PTPN9: variants seen among roughly 807,000 people sequenced by gnomAD.
The protein encoded by PTPN9 is protein tyrosine phosphatase non-receptor type 9, also known as tyrosine-protein phosphatase non-receptor type 9.
PTPN9 carries 26 observed loss-of-function variants against 69.8 expected under a neutral mutation model. The observed-to-expected ratio is 0.37, with a 90% confidence interval of 0.27 to 0.52. PTPN9 has a LOEUF of 0.52. Among genes scored for constraint, PTPN9 ranks in the 20% least tolerant of loss-of-function variants. The pLI is 0.91. For missense variants in PTPN9, 549 were observed against 740.3 expected (o/e 0.74, Z 3.00); for synonymous variants, 274 against 272.5 (o/e 1.01, Z -0.05).
chr15:75,508,039 C>CAAAAAA (rs990909256), intron 6 of PTPN9, among the ~76,000 whole-genome samples: 427 of 37,124 alleles, frequency 0.012, 1 homozygote, highest in East Asian at 0.03. Flanking sequence ...GAGACACTCT[C>CAAAAAA]AAAAAAAAAA....
intron 1 of PTPN9, among the ~76,000 whole-genome samples, chr15:75,532,635 C>T (rs1161839976): frequency 6.6e-6 from 1 of 152,166 alleles, no homozygotes; most frequent in Non-Finnish European, 1.5e-5. Context: ...AGGAACAATT[C>T]CTCCTGGTTT....
At chr15:75,561,035 A>G (rs561149327) in intron 1 of PTPN9, among the ~76,000 whole-genome samples, 1 of 151,150 alleles carries the variant, frequency 6.6e-6, no homozygotes, top group South Asian at 2.1e-4. Context: ...TACTTTAAAA[A>G]GCCAGGCATG....
chr15:75,576,639 G>A (rs1025557481), intron 1 of PTPN9, among the ~76,000 whole-genome samples: 2 of 148,492 alleles, frequency 1.3e-5, no homozygotes, highest in African/African-American at 2.5e-5. Flanking sequence ...GAAACCCCGC[G>A]TCTACTAAAA....
chr15:75,474,000 T>C (rs141261168), intron 9 of PTPN9, among the ~76,000 whole-genome samples: 636 of 152,178 alleles, frequency 4.2e-3, no homozygotes, highest in Middle Eastern at 0.01. Flanking sequence ...AGGTGAGTCG[T>C]AGGTAGGTTT....
At position 75,490,264 on chromosome 15, in the gene PTPN9, C is replaced by A; in HGVS notation, c.1006G>T (p.Val336Leu). ...ACTCTAGTTTGGTCCAGGCAGGGTACATCCCCATAACGGTTTTTCTCTAGG... is the reference window on the plus strand; with the variant it reads ...ACTCTAGTTTGGTCCAGGCAGGGTAAATCCCCATAACGGTTTTTCTCTAGG... ...GNLEKNRYGD[V>L]PCLDQTRVKL... Residue 336 changes from valine to leucine, a missense_variant, in exon 8 of 13, where the codon GTA becomes TTA. Val to Leu is a conservative substitution (Grantham distance 32, BLOSUM62 1). This residue lies in a region of PTPN9 where 457 missense variants were observed against 661.9 expected (regional missense o/e 0.69). Coordinates refer to ENST00000618819, the MANE Select transcript of PTPN9 (RefSeq NM_002833.4). 1 of 1,613,734 alleles carries A rather than the reference C, an allele frequency of 6.2e-7. No individual in the cohort carries two copies. Among genetic ancestry groups the A allele is most frequent in the Non-Finnish European group, 8.5e-7 (1 of 1,179,676 alleles).
intron 8 of PTPN9, among the ~76,000 whole-genome samples, chr15:75,485,827 G>A (rs544972435): frequency 6.5e-4 from 98 of 151,224 alleles, no homozygotes; most frequent in African/African-American, 2.0e-3. Flanking sequence ...AAGGCCGGGC[G>A]CAGTGGCTCA....
intron 4 of PTPN9, among the ~76,000 whole-genome samples, chr15:75,518,225 G>A (rs2074881742): frequency 6.6e-6 from 1 of 152,012 alleles, no homozygotes; most frequent in Admixed American, 6.6e-5. Context: ...TATAGTCTCA[G>A]CTACTTGGGA....
chr15:75,577,761 G>A (rs2075180204), intron 1 of PTPN9, among the ~76,000 whole-genome samples: 4 of 152,070 alleles, frequency 2.6e-5, no homozygotes, highest in Admixed American at 2.6e-4. Context: ...CTTTTTTCAT[G>A]TTTATTTTTA....
chr15:75,516,978 C>A (rs1447062859), intron 5 of PTPN9, among the ~76,000 whole-genome samples: 1 of 150,548 alleles, frequency 6.6e-6, no homozygotes, highest in Non-Finnish European at 1.5e-5. Flanking sequence ...CTCTTGACCT[C>A]ATGATCCACC....
intron 1 of PTPN9, among the ~76,000 whole-genome samples, chr15:75,539,018 A>AAAAGAAAG (rs140854456): frequency 6.6e-6 from 1 of 152,038 alleles, no homozygotes; most frequent in Non-Finnish European, 1.5e-5. Context: ...AAAAAAATAA[A>AAAAGAAAG]AAAGAAAGAA....
chr15:75,552,629 G>A (rs1325262648), intron 1 of PTPN9, among the ~76,000 whole-genome samples: 1 of 151,654 alleles, frequency 6.6e-6, no homozygotes, highest in Non-Finnish European at 1.5e-5. Flanking sequence ...GATATGAGCT[G>A]AACATCATAG....
intron 3 of PTPN9, among the ~76,000 whole-genome samples, chr15:75,523,526 TC>T (rs2074914229): frequency 6.6e-6 from 1 of 152,092 alleles, no homozygotes; most frequent in South Asian, 2.1e-4. Flanking sequence ...TGCACTGGCT[TC>T]CTAGCTAACT....
intron 7 of PTPN9, among the ~76,000 whole-genome samples, chr15:75,501,460 C>T (rs1440621869): frequency 7.2e-5 from 10 of 138,172 alleles, no homozygotes; most frequent in African/African-American, 8.0e-5. Flanking sequence ...TCTTTTCTTT[C>T]TTTCTTTTTT....
chr15:75,511,864 T>G (rs1279404914), intron 5 of PTPN9, among the ~76,000 whole-genome samples: 1 of 121,696 alleles, frequency 8.2e-6, no homozygotes, highest in East Asian at 2.3e-4. Context: ...TGAGACTCAC[T>G]TTAATATTTT....
intron 9 of PTPN9, among the ~76,000 whole-genome samples, chr15:75,477,905 G>A (rs2141290284): frequency 7.0e-6 from 1 of 143,066 alleles, no homozygotes; most frequent in African/African-American, 2.6e-5. Context: ...CAATGGCGCA[G>A]TCGCAGTCCA....
intron 1 of PTPN9, among the ~76,000 whole-genome samples, chr15:75,552,379 C>T (rs774652461): frequency 6.6e-6 from 1 of 152,048 alleles, no homozygotes; most frequent in Non-Finnish European, 1.5e-5. Context: ...TGTACTGTAG[C>T]CTGGGCAACA....
At chr15:75,496,875 A>G (rs190204222) in intron 7 of PTPN9, among the ~76,000 whole-genome samples, 12 of 152,310 alleles carry the variant, frequency 7.9e-5, no homozygotes, top group Non-Finnish European at 1.2e-4. Context: ...AGTTGAATAC[A>G]TGATTATAGG....
At chr15:75,484,743 T>G (rs1236422619) in intron 8 of PTPN9, among the ~76,000 whole-genome samples, 1 of 152,144 alleles carries the variant, frequency 6.6e-6, no homozygotes, top group Admixed American at 6.6e-5. Context: ...TAGGGAAAAC[T>G]CATAACCCAC....
chr15:75,512,931 G>C, intron 5 of PTPN9: 1 of 383,860 alleles, frequency 2.6e-6, no homozygotes, highest in Admixed American at 3.3e-5. Flanking sequence ...TGTAGATCTG[G>C]TTCATCTACA....
Sources: allele counts gnomAD v4.1 joint callset (sites outside exome capture counted in the v4.1 genomes callset), GRCh38; gene constraint gnomAD v4.1.1; regional missense constraint gnomAD v4.1.1; transcripts MANE v1.5; gene names NCBI Gene and HGNC (gene_info 2026-07-23, HGNC 2026-07-21).